Variants in OLFM2 observed in about 807,000 individuals in gnomAD.
OLFM2 encodes olfactomedin 2, also known as noelin-2.
Under a neutral mutation model 43.9 loss-of-function variants are expected in OLFM2, and 20 were observed. The ratio of observed to expected loss-of-function variants is 0.46; its 90% CI spans 0.32 to 0.66. The LOEUF is 0.66. Ranked by LOEUF, OLFM2 falls within the 30% of genes least tolerant of loss-of-function variation. OLFM2 has a pLI of 0.04. For synonymous variants in OLFM2, 268 were observed against 278.6 expected (o/e 0.96, Z 0.38); for missense variants, 416 against 643.6 (o/e 0.65, Z 3.83).
rs776857582 is a variant in OLFM2 at position 9,856,784 on chromosome 19, C to T, written c.687+23G>A. The T allele has an allele frequency of 2.8e-5, 44 of 1,597,332 alleles. No homozygotes were observed. The highest frequency in any genetic ancestry group is 3.7e-5 in the Non-Finnish European group (43 of 1,167,842). The stretch of plus-strand genomic sequence containing the variant: ...CTCTGTCCCTCCCAGGCCCTGACCC[C>T]AGGGGTGGGCGCAGTCACTCACCCG... On this transcript the variant is annotated intron_variant, in intron 5 of 5. Transcript: ENST00000264833. This position sits in a 1 kb window ranked among gnomAD's most constrained non-coding sequence, Gnocchi z 4.0.
intron 1 of OLFM2, among the ~76,000 whole-genome samples, chr19:9,876,654 C>T (rs1024766810): frequency 6.6e-6 from 1 of 152,090 alleles, no homozygotes; most frequent in African/African-American, 2.4e-5. Flanking sequence ...GGTGGGAGGA[C>T]GTGGTCATTA....
chr19:9,880,719 GA>G (rs1220365706), intron 1 of OLFM2, among the ~76,000 whole-genome samples: 4 of 152,178 alleles, frequency 2.6e-5, no homozygotes, highest in Non-Finnish European at 5.9e-5. Context: ...GGCCTCAAAA[GA>G]AACTAATGCT....
chr19:9,876,997 A>AG (rs572820856), intron 1 of OLFM2, among the ~76,000 whole-genome samples: 21 of 152,068 alleles, frequency 1.4e-4, no homozygotes, highest in African/African-American at 4.1e-4. Context: ...TGGGAGGTCA[A>AG]GGGGGGCAGA....
At chr19:9,904,606 G>A (rs1260281801) in intron 1 of OLFM2, among the ~76,000 whole-genome samples, 3 of 151,948 alleles carry the variant, frequency 2.0e-5, no homozygotes, top group Non-Finnish European at 2.9e-5. Flanking sequence ...AGCAGAAGTG[G>A]GGTTGAGAAG....
rs1292016089 is a variant in OLFM2, at chr19:9,879,506, C to T, written c.64-18712G>A. Reference sequence around the variant, plus strand: ...GCTCCTGCTCTGGCCGTGTAAAACCCGCCTGCTTCCCTTTCACCCCCTGCC... The same window carrying T: ...GCTCCTGCTCTGGCCGTGTAAAACCTGCCTGCTTCCCTTTCACCCCCTGCC... On this transcript the variant is annotated intron_variant, in intron 1 of 5. Coordinates refer to ENST00000264833, the MANE Select transcript of OLFM2 (RefSeq NM_058164.4). Among the ~76,000 whole-genome samples the T allele has an allele frequency of 2.6e-5, 4 of 152,246 alleles. No homozygotes were observed. The East Asian group carries it at 7.7e-4, about 29-fold the overall frequency.
chr19:9,918,319 T>C (rs187993837), intron 1 of OLFM2, among the ~76,000 whole-genome samples: 5 of 152,164 alleles, frequency 3.3e-5, no homozygotes, highest in African/African-American at 1.2e-4. Context: ...GCCTCCTGAA[T>C]AGGTGAGACT....
chr19:9,913,634 GC>G (rs1359149347), intron 1 of OLFM2: 1 of 1,267,158 alleles, frequency 7.9e-7, no homozygotes, highest in Non-Finnish European at 1.0e-6. Context: ...TCCGCCTCAT[GC>G]CCCGCGGCCG....
chr19:9,913,452 C>T, intron 1 of OLFM2: 1 of 1,042,128 alleles, frequency 9.6e-7, no homozygotes, highest in Non-Finnish European at 1.2e-6. Flanking sequence ...CCACGCCCCC[C>T]GGGAGCGCCC....
At chr19:9,918,530 C>T (rs979526419) in intron 1 of OLFM2, among the ~76,000 whole-genome samples, 7 of 152,070 alleles carry the variant, frequency 4.6e-5, no homozygotes, top group Non-Finnish European at 7.3e-5. Flanking sequence ...TCCATCTACC[C>T]AAGAGAAACC....
In OLFM2 at chr19:9,888,417, G is replaced by A. The variant is rs527722853; in HGVS notation, c.64-27623C>T. Among the ~76,000 whole-genome samples, 7 of 137,528 alleles carry A rather than the reference G, an allele frequency of 5.1e-5. No homozygotes were observed. In the East Asian group the frequency reaches 1.0e-3, roughly 21 times the overall value. 90.2% of individuals were successfully genotyped at this position (137,528 alleles called of 152,430 possible). A position where few individuals can be genotyped will look rare whatever the true frequency, so the allele number is the denominator to read the frequency against. On this transcript the variant is annotated intron_variant, in intron 1 of 5. Coordinates refer to ENST00000264833, the MANE Select transcript of OLFM2 (RefSeq NM_058164.4). Reference sequence around the variant, plus strand: ...TGCGTGCCTGTAATCCCAGCTACTCGGGAGGCTGAGGCAGGAGAATCGCTT... The same window carrying A: ...TGCGTGCCTGTAATCCCAGCTACTCAGGAGGCTGAGGCAGGAGAATCGCTT...
intron 1 of OLFM2, among the ~76,000 whole-genome samples, chr19:9,883,051 A>T (rs1245058163): frequency 1.4e-5 from 2 of 145,518 alleles, no homozygotes; most frequent in Non-Finnish European, 3.0e-5. Flanking sequence ...AAAAAAAAAT[A>T]CAAAAAAAAT....
intron 1 of OLFM2, among the ~76,000 whole-genome samples, chr19:9,869,635 G>C (rs1568370373): frequency 6.6e-6 from 1 of 152,116 alleles, no homozygotes; most frequent in Non-Finnish European, 1.5e-5. Context: ...TATTTTTTAA[G>C]AGACAGGGTG....
intron 1 of OLFM2, among the ~76,000 whole-genome samples, chr19:9,894,882 T>G (rs2144967817): frequency 6.6e-6 from 1 of 152,170 alleles, no homozygotes; most frequent in East Asian, 1.9e-4. Flanking sequence ...AGAGCTCCAA[T>G]GCATATATTC....
At chr19:9,890,532 G>C (rs1599483446) in intron 1 of OLFM2, among the ~76,000 whole-genome samples, 1 of 152,366 alleles carries the variant, frequency 6.6e-6, no homozygotes, top group East Asian at 1.9e-4. Flanking sequence ...CAACAGAACT[G>C]TTGACACATT....
chr19:9,882,722 C>T lies in OLFM2; in HGVS notation c.64-21928G>A, dbSNP rs117985501. Among the ~76,000 whole-genome samples, 297 of 151,310 alleles carry T rather than the reference C, an allele frequency of 2.0e-3. 9 individuals are homozygous for T. In the East Asian group the frequency reaches 0.05, roughly 25 times the overall value. ...CTCAGGAGTTTGAGACCAGCCTGGG[C>T]AACGTAGTGAGACGCTGTGTCTACA... On this transcript the variant is annotated intron_variant, in intron 1 of 5. Transcript: ENST00000264833.
At chr19:9,867,358 G>A (rs770436547) in intron 1 of OLFM2, among the ~76,000 whole-genome samples, 11 of 152,144 alleles carry the variant, frequency 7.2e-5, no homozygotes, top group Admixed American at 1.3e-4. Context: ...GCAATAGAGC[G>A]AGACCCCGTC....
intron 1 of OLFM2, among the ~76,000 whole-genome samples, chr19:9,900,644 G>C (rs1034056221): frequency 6.6e-6 from 1 of 151,688 alleles, no homozygotes; most frequent in Non-Finnish European, 1.5e-5. Context: ...CTGGTGAAGC[G>C]CTTCGGGTGG....
At chr19:9,908,002 C>T (rs1253202944) in intron 1 of OLFM2, among the ~76,000 whole-genome samples, 1 of 151,556 alleles carries the variant, frequency 6.6e-6, no homozygotes, top group Non-Finnish European at 1.5e-5. Context: ...GAGACTTGAT[C>T]TCAAAAAAAA....
chr19:9,884,469 C>T (rs1397222771), intron 1 of OLFM2, among the ~76,000 whole-genome samples: 2 of 151,706 alleles, frequency 1.3e-5, no homozygotes, highest in African/African-American at 4.8e-5. Context: ...CCCAGCTACT[C>T]GGGAGGCTGA....
Sources: allele counts gnomAD v4.1 joint callset (sites outside exome capture counted in the v4.1 genomes callset), GRCh38; gene constraint gnomAD v4.1.1; non-coding constraint Gnocchi (gnomAD v3.1); transcripts MANE v1.5; gene names NCBI Gene and HGNC (gene_info 2026-07-23, HGNC 2026-07-21).